INSL6: variants seen among roughly 807,000 people sequenced by gnomAD.
INSL6 encodes insulin like 6.
INSL6 carries 16 observed loss-of-function variants against 9.4 expected under a neutral mutation model. The ratio of observed to expected loss-of-function variants is 1.70; its 90% CI spans 1.15 to 2.59. INSL6 has a LOEUF of 2.59. Ranked by LOEUF, INSL6 falls within the 30% of genes most tolerant of loss-of-function variation. The pLI, the probability that INSL6 is intolerant of heterozygous loss-of-function variation, is 0.00. For synonymous variants in INSL6, 154 were observed against 96.9 expected, an observed-to-expected ratio of 1.59 and a Z score of -3.46; for missense variants, 391 against 257.3, an observed-to-expected ratio of 1.52 and a Z score of -3.56.
intron 1 of INSL6, among the ~76,000 whole-genome samples, chr9:5,180,917 T>C (rs1164368183): frequency 6.6e-6 from 1 of 152,196 alleles, no homozygotes; most frequent in African/African-American, 2.4e-5. Context: ...CTACTCCCTG[T>C]TCTTACACCC....
chr9:5,093,822 T>C, the INSL6 span, among the ~76,000 whole-genome samples: 2 of 152,186 alleles, frequency 1.3e-5, no homozygotes, highest in African/African-American at 4.8e-5. Context: ...GTAGCCGCTA[T>C]TAAGGGTTCA....
intron 2 of INSL6, among the ~76,000 whole-genome samples, chr9:5,144,357 G>C (rs917813452): frequency 6.6e-6 from 1 of 152,140 alleles, no homozygotes; most frequent in African/African-American, 2.4e-5. Flanking sequence ...TGGCACTGTG[G>C]TACGAGAGAC....
chr9:5,064,609 A>T, the INSL6 span, among the ~76,000 whole-genome samples: 2 of 152,232 alleles, frequency 1.3e-5, no homozygotes, highest in African/African-American at 4.8e-5. Context: ...TCTAGCTGAG[A>T]TAACTGGTAT....
At chr9:5,159,510 T>C (rs1029073147), downstream of INSL6, among the ~76,000 whole-genome samples, 8 of 152,112 alleles carry the variant, frequency 5.3e-5, no homozygotes, top group Admixed American at 4.6e-4. Context: ...ACTCTACTTA[T>C]ATTAGACAAA....
intron 1 of INSL6, among the ~76,000 whole-genome samples, chr9:5,182,339 A>G (rs1306781553): frequency 6.6e-6 from 1 of 152,288 alleles, no homozygotes; most frequent in East Asian, 1.9e-4. Flanking sequence ...AATTTGCAAA[A>G]ACTTATAAAA....
At position 5,185,396 on chromosome 9, in the gene INSL6, C is replaced by G. The variant is rs778755332; in HGVS notation, c.207G>C (p.Ser69=). ...ATGGGCTGTAGGCTTCGACCTTCTC[C>G]GAGGCCTGTGCAATCAACCGTGAGA... ...TPFSRLIAQA[S]EKVEAYSPYQ... The change falls in exon 1 of 2, where the codon TCG becomes TCC. Residue 69 remains serine (S), a synonymous_variant. Coordinates refer to ENST00000381641, the MANE Select transcript of INSL6 (RefSeq NM_007179.3). The G allele has an allele frequency of 5.6e-6, 9 of 1,614,174 alleles. No individual in the cohort carries two copies. Among genetic ancestry groups the G allele is most frequent in the South Asian group, 2.2e-5 (2 of 91,072 alleles).
At chr9:5,049,803 A>C in the INSL6 span, among the ~76,000 whole-genome samples, 3 of 152,202 alleles carry the variant, frequency 2.0e-5, no homozygotes, top group African/African-American at 7.2e-5. Context: ...GTATATGCCT[A>C]GTCTGTATGG....
At chr9:5,041,246 G>A in the INSL6 span, 2 of 1,455,600 alleles carry the variant, frequency 1.4e-6, no homozygotes. Flanking sequence ...GCGGCAGCAC[G>A]CCATCCACAT....
At chr9:5,044,185 AG>A in the INSL6 span, among the ~76,000 whole-genome samples, 1 of 152,202 alleles carries the variant, frequency 6.6e-6, no homozygotes, top group Non-Finnish European at 1.5e-5. Flanking sequence ...GCACTGAAGG[AG>A]GTAGTATATT....
At position 5,147,870 on chromosome 9, in the gene INSL6, G is replaced by C. The variant is rs543263402; in HGVS notation, c.377-14278C>G. ...CTGATTGTATTATGAAATTCCTGTAGTGAACTTTTCTCCTCAATAAGTTCA... is the reference window on the plus strand; with the variant it reads ...CTGATTGTATTATGAAATTCCTGTACTGAACTTTTCTCCTCAATAAGTTCA... On this transcript the variant is annotated intron_variant, in intron 2 of 3. Coordinates refer to the INSL6 transcript ENST00000649639. Among the ~76,000 whole-genome samples the C allele has an allele frequency of 5.9e-5, 9 of 152,298 alleles. No homozygotes were observed. In the South Asian group the frequency reaches 1.7e-3, roughly 28 times the overall value.
At chr9:5,115,787 A>C in the INSL6 span, among the ~76,000 whole-genome samples, 1 of 152,176 alleles carries the variant, frequency 6.6e-6, no homozygotes, top group African/African-American at 2.4e-5. Context: ...TAGAAACCAT[A>C]ATTCTCAGCA....
At chr9:5,043,178 C>A in the INSL6 span, among the ~76,000 whole-genome samples, 3 of 151,662 alleles carry the variant, frequency 2.0e-5, no homozygotes, top group South Asian at 6.2e-4. Flanking sequence ...GACTGGCTGG[C>A]GGACTCCCAG....
chr9:5,028,563 A>G, the INSL6 span, among the ~76,000 whole-genome samples: 3 of 152,224 alleles, frequency 2.0e-5, no homozygotes, highest in African/African-American at 7.2e-5. Context: ...ACTTCTTTCT[A>G]GCTATGAAAC....
At chr9:5,121,567 A>G (rs1823616760), downstream of INSL6, among the ~76,000 whole-genome samples, 1 of 152,160 alleles carries the variant, frequency 6.6e-6, no homozygotes, top group Non-Finnish European at 1.5e-5. Context: ...ATCTTCCTTG[A>G]TGACTGAATT....
chr9:5,146,505 G>T (rs1234941675), intron 2 of INSL6, among the ~76,000 whole-genome samples: 3 of 152,192 alleles, frequency 2.0e-5, no homozygotes, highest in Non-Finnish European at 4.4e-5. Flanking sequence ...GATAGCACAG[G>T]TGTGGGTGGC....
At chr9:4,996,928 C>CTTTTTTTTTTTTTTTT in the INSL6 span, among the ~76,000 whole-genome samples, 1 of 94,704 alleles carries the variant, frequency 1.1e-5, no homozygotes, top group Non-Finnish European at 2.0e-5. Context: ...TTAGTTTGTT[C>CTTTTTTTTTTTTTTTT]TTTTTTTTTT....
chr9:5,064,343 A>G, the INSL6 span, among the ~76,000 whole-genome samples: 1 of 152,262 alleles, frequency 6.6e-6, no homozygotes, highest in Non-Finnish European at 1.5e-5. Context: ...CAGCCTGGCC[A>G]ACATGGCGAG....
chr9:5,087,404 A>G, the INSL6 span, among the ~76,000 whole-genome samples: 3 of 152,120 alleles, frequency 2.0e-5, no homozygotes, highest in South Asian at 2.1e-4. Context: ...GGTCCTTCCA[A>G]TGACATGTGG....
At chr9:5,178,023 A>T (rs567463507) in intron 1 of INSL6, among the ~76,000 whole-genome samples, 1 of 152,220 alleles carries the variant, frequency 6.6e-6, no homozygotes, top group East Asian at 1.9e-4. Context: ...TTACAGGCAC[A>T]TGCCACCATG....
Sources: gnomAD v4.1 joint callset for allele counts (sites outside exome capture counted in the v4.1 genomes callset) on GRCh38, gnomAD v4.1.1 for gene constraint, MANE v1.5 for transcripts, NCBI Gene and HGNC (gene_info 2026-07-23, HGNC 2026-07-21) for gene names.